The following TMCC1 variants were observed in gnomAD, a reference collection of about 807,000 sequenced individuals.
TMCC1 encodes the protein transmembrane and coiled-coil domains protein 1.
Under a neutral mutation model 52.4 loss-of-function variants are expected in TMCC1, and 15 were observed. The observed-to-expected ratio is 0.29, with a 90% CI of 0.19 to 0.44. The LOEUF (loss-of-function observed/expected upper bound fraction) is 0.44. TMCC1 is among the 20% of genes least tolerant of loss of function. The pLI is 1.00. For synonymous variants in TMCC1, 279 were observed against 301.9 expected, an observed-to-expected ratio of 0.92 and a Z score of 0.79; for missense variants, 503 against 806.0, an observed-to-expected ratio of 0.62 and a Z score of 4.55.
chr3:129,729,011 AG>A (rs2050335170), intron 4 of TMCC1, among the ~76,000 whole-genome samples: 1 of 152,200 alleles, frequency 6.6e-6, no homozygotes, highest in African/African-American at 2.4e-5. Flanking sequence ...AATTGTGAGT[AG>A]AGATGCCATA....
chr3:129,860,336 C>T (rs2060330891), intron 2 of TMCC1, among the ~76,000 whole-genome samples: 1 of 151,886 alleles, frequency 6.6e-6, no homozygotes, highest in Non-Finnish European at 1.5e-5. Context: ...TCCCAAAGTG[C>T]TGGGATTACA....
intron 4 of TMCC1, among the ~76,000 whole-genome samples, chr3:129,713,711 CA>C (rs113963331): frequency 5.0e-3 from 302 of 60,112 alleles, no homozygotes; most frequent in South Asian, 0.011. Flanking sequence ...ACCCCCATCT[CA>C]AAAAAAAAAA....
intron 4 of TMCC1, among the ~76,000 whole-genome samples, chr3:129,681,139 T>C (rs115300036): frequency 4.9e-4 from 75 of 152,276 alleles, no homozygotes; most frequent in African/African-American, 1.8e-3. Context: ...ATAATATTTA[T>C]GGCATTTTCC....
Position 129,671,088 on chromosome 3 carries a change from T to C in TMCC1, c.753A>G (p.Ala251=). Residue 251 remains alanine (A), a synonymous_variant, in exon 5 of 7, where the codon GCA becomes GCG. Transcript: ENST00000393238. ...CAACGTTGTCGTCCCGGGCTGTTTG[T>C]GCAATCTTGATTTGTTCTGTGAGCT... ...ILKLTEQIKI[A]QTARDDNVAE... The C allele has an allele frequency of 1.9e-6, 3 of 1,614,204 alleles. No homozygotes were observed. The highest frequency in any genetic ancestry group is 2.2e-5 in the South Asian group (2 of 91,084).
At chr3:129,792,090 G>A (rs2056506179) in intron 4 of TMCC1, among the ~76,000 whole-genome samples, 1 of 151,582 alleles carries the variant, frequency 6.6e-6, no homozygotes, top group East Asian at 1.9e-4. Flanking sequence ...CAGATCTTAA[G>A]ACAACTCTAC....
intron 4 of TMCC1, among the ~76,000 whole-genome samples, chr3:129,721,651 G>T (rs1226777519): frequency 6.7e-6 from 1 of 148,880 alleles, no homozygotes; most frequent in Non-Finnish European, 1.5e-5. Context: ...ACGAGGTCAG[G>T]AGATTGGGAC....
chr3:129,661,128 T>A (rs1241389328), intron 5 of TMCC1, among the ~76,000 whole-genome samples: 2 of 152,214 alleles, frequency 1.3e-5, no homozygotes, highest in Non-Finnish European at 2.9e-5. Context: ...ATGTAACTAT[T>A]GTTCACAGAG....
At chr3:129,721,991 T>A (rs560015979) in intron 4 of TMCC1, among the ~76,000 whole-genome samples, 1 of 152,366 alleles carries the variant, frequency 6.6e-6, no homozygotes, top group African/African-American at 2.4e-5. Flanking sequence ...AAGTTTTAGA[T>A]ACTAGGGGCA....
intron 2 of TMCC1, among the ~76,000 whole-genome samples, chr3:129,870,179 G>A (rs1371906497): frequency 6.6e-6 from 1 of 151,778 alleles, no homozygotes; most frequent in Non-Finnish European, 1.5e-5. Context: ...TATTCTACTT[G>A]TCTACACATT....
chr3:129,736,308 G>A (rs1465504787), intron 4 of TMCC1, among the ~76,000 whole-genome samples: 1 of 152,200 alleles, frequency 6.6e-6, no homozygotes, highest in Non-Finnish European at 1.5e-5. Context: ...CCCGTGCAGA[G>A]CCTGCCAGAA....
At chr3:129,806,917 A>G (rs2057498983) in intron 4 of TMCC1, among the ~76,000 whole-genome samples, 1 of 151,520 alleles carries the variant, frequency 6.6e-6, no homozygotes, top group South Asian at 2.1e-4. Flanking sequence ...AGAACAAAGG[A>G]AAAAAAACCA....
intron 4 of TMCC1, among the ~76,000 whole-genome samples, chr3:129,802,427 T>C (rs544266112): frequency 3.3e-5 from 5 of 152,310 alleles, no homozygotes; most frequent in South Asian, 2.1e-4. Flanking sequence ...CCCAGAGATA[T>C]TGAGTTTAAA....
At chr3:129,671,838 G>T (rs575079907) in intron 4 of TMCC1, among the ~76,000 whole-genome samples, 90 of 152,216 alleles carry the variant, frequency 5.9e-4, no homozygotes, top group African/African-American at 2.1e-3. Flanking sequence ...TATATTCTAA[G>T]GATATTTAAG....
At chr3:129,852,456 CAAA>C (rs1015860543) in intron 2 of TMCC1, among the ~76,000 whole-genome samples, 5 of 39,828 alleles carry the variant, frequency 1.3e-4, no homozygotes, top group Non-Finnish European at 2.0e-4. Flanking sequence ...GACACCGTCT[CAAA>C]AAAAAAAAAA....
intron 5 of TMCC1, 40 bp downstream of exon 5, chr3:129,670,290 C>A: frequency 6.3e-7 from 1 of 1,579,304 alleles, no homozygotes; most frequent in South Asian, 1.2e-5. Context: ...GAGGGGAACC[C>A]TACACAAATA....
chr3:129,763,147 G>A lies in TMCC1; in HGVS notation c.576+64656C>T, dbSNP rs903479683. On this transcript the variant is annotated intron_variant, in intron 4 of 6. Coordinates refer to ENST00000393238, the MANE Select transcript of TMCC1 (RefSeq NM_001017395.5). The stretch of plus-strand genomic sequence containing the variant: ...CGGGAGGCGGAGCTTGCAGTGAGCC[G>A]AGATCGCGCCACTGCACTCCAGCCT... Among the ~76,000 whole-genome samples, 40 of 149,850 alleles carry A rather than the reference G, an allele frequency of 2.7e-4. No homozygotes were observed. In the East Asian group the frequency reaches 7.5e-3, roughly 28 times the overall value.
At chr3:129,812,023 C>T (rs1341997233) in intron 4 of TMCC1, among the ~76,000 whole-genome samples, 1 of 149,742 alleles carries the variant, frequency 6.7e-6, no homozygotes, top group Non-Finnish European at 1.5e-5. Context: ...TTCATTAGTA[C>T]AGAAGGGCTT....
chr3:129,695,791 C>CT (rs2047376089), intron 4 of TMCC1, among the ~76,000 whole-genome samples: 1 of 152,128 alleles, frequency 6.6e-6, no homozygotes, highest in Non-Finnish European at 1.5e-5. Context: ...CAAAACCAAT[C>CT]ATGCCTTTGA....
At chr3:129,691,676 T>C (rs542957943) in intron 4 of TMCC1, among the ~76,000 whole-genome samples, 4 of 152,192 alleles carry the variant, frequency 2.6e-5, no homozygotes, top group African/African-American at 9.6e-5. Flanking sequence ...CCCAGCTACT[T>C]GGAAGGCTGA....
Sources: gnomAD v4.1 joint callset for allele counts (sites outside exome capture counted in the v4.1 genomes callset) on GRCh38, gnomAD v4.1.1 for gene constraint, MANE v1.5 for transcripts, NCBI Gene and HGNC (gene_info 2026-07-23, HGNC 2026-07-21) for gene names.